ALB: variants seen among roughly 807,000 people sequenced by gnomAD.
ALB encodes albumin, also known as serum albumin.
Under a neutral mutation model 74.5 loss-of-function variants are expected in ALB, and 37 were observed. The observed-to-expected ratio is 0.50, with a 90% CI of 0.38 to 0.65. The LOEUF (loss-of-function observed/expected upper bound fraction) is 0.65, where lower values mean the gene tolerates loss of function less well. Ranked by LOEUF, ALB falls within the 30% of genes least tolerant of loss-of-function variation. The probability of loss-of-function intolerance (pLI) is 0.00; values close to 1 mark genes in which losing one functional copy is unlikely to be tolerated. For missense variants in ALB, 685 were observed against 718.7 expected, an observed-to-expected ratio of 0.95 and a Z score of 0.54; for synonymous variants, 249 against 251.6, an observed-to-expected ratio of 0.99 and a Z score of 0.10.
At chr4:73,413,795 T>C (rs190745229) in intron 8 of ALB, among the ~76,000 whole-genome samples, 161 bp downstream of exon 8, 1 of 152,356 alleles carries the variant, frequency 6.6e-6, no homozygotes, top group East Asian at 1.9e-4. Context: ...AAATAGTTAA[T>C]TAGTTGAATA....
rs1209016874 is a variant in ALB, at chr4:73,420,246, G to A, written c.1786-8G>A. 1.6e-5 allele frequency: 26 copies of A among 1,611,308 alleles called. No individual in the cohort carries two copies. Among genetic ancestry groups the A allele is most frequent in the Non-Finnish European group, 1.9e-5 (22 of 1,177,982 alleles). ...TTTTCCTAACATCTGTCATGTCTTT[G>A]TGTTCAGGGTAAAAAACTTGTTGCT... On this transcript the variant is annotated splice_polypyrimidine_tract_variant and splice_region_variant and intron_variant, in intron 13 of 14. Transcript: ENST00000295897.
intron 2 of ALB, among the ~76,000 whole-genome samples, chr4:73,405,702 T>C (rs1045081616): frequency 6.6e-6 from 1 of 151,992 alleles, no homozygotes; most frequent in African/African-American, 2.4e-5. Flanking sequence ...GCCATTCTCC[T>C]GCCTCAGCCT....
At chr4:73,420,497 A>G (rs1417722466) in intron 14 of ALB, among the ~76,000 whole-genome samples, 176 bp downstream of exon 14, 2 of 152,216 alleles carry the variant, frequency 1.3e-5, no homozygotes. Context: ...GGGAACCACT[A>G]TTATTTCTAT....
intron 12 of ALB, 154 bp from the exon 13 acceptor site, chr4:73,419,353 T>C (rs377522633): frequency 2.3e-5 from 17 of 745,736 alleles, no homozygotes; most frequent in Non-Finnish European, 3.4e-5. Context: ...TTGAGACTTA[T>C]AGCGGTATGC....
intron 2 of ALB, among the ~76,000 whole-genome samples, chr4:73,405,700 C>T (rs1718705631): frequency 6.6e-6 from 1 of 151,956 alleles, no homozygotes; most frequent in Admixed American, 6.6e-5. Flanking sequence ...ACGCCATTCT[C>T]CTGCCTCAGC....
At chr4:73,406,901 G>A (rs1718744497) in intron 3 of ALB, 140 bp downstream of exon 3, 4 of 933,474 alleles carry the variant, frequency 4.3e-6, no homozygotes, top group African/African-American at 1.7e-5. Context: ...CTCATAGACT[G>A]ATAAGCCATT....
In ALB at chr4:73,416,360, AATTTTT is replaced by A; in HGVS notation, c.1289+11_1289+16del. On this transcript the variant is annotated splice_region_variant and intron_variant, in intron 10 of 14. Coordinates refer to ENST00000295897, the MANE Select transcript of ALB (RefSeq NM_000477.7). ...AGTACAAATTCCAGAATGCGTAAGT[AATTTTT>A]ATTGACTGATTTTTTTTATCAATTT... The A allele has an allele frequency of 6.2e-7, 1 of 1,601,010 alleles. No individual in the cohort carries two copies. Among genetic ancestry groups the A allele is most frequent in the Non-Finnish European group, 8.5e-7 (1 of 1,170,790 alleles).
Position 73,413,431 on chromosome 4 carries a change from C to T in ALB, c.855C>T (p.Ala285=). ...CAACTTACTTATAGGCGGACCTTGCCAAGTATATCTGTGAAAATCAAGATT... is the reference window on the plus strand; with the variant it reads ...CAACTTACTTATAGGCGGACCTTGCTAAGTATATCTGTGAAAATCAAGATT... The part of the protein sequence containing the change: ...LECADDRADL[A]KYICENQDSI... Residue 285 remains alanine (A), a synonymous_variant, in exon 8 of 15, where the codon GCC becomes GCT. Transcript: ENST00000295897. 2 of 1,613,866 alleles carry T rather than the reference C, an allele frequency of 1.2e-6. No homozygotes were observed. Among genetic ancestry groups the T allele is most frequent in the East Asian group, 2.2e-5 (1 of 44,874 alleles).
Position 73,421,175 on chromosome 4 carries a change from CCT to C in ALB, c.*108_*109del. 1.5e-6 allele frequency: 1 copy of C among 665,346 alleles called. No homozygotes were observed. The highest frequency in any genetic ancestry group is 2.7e-6 in the Non-Finnish European group (1 of 373,516). The allele number at this position is 665,346 out of a possible 1,614,324, so 41.2% of individuals were successfully genotyped here. Reference sequence around the variant, plus strand: ...TTTTTCGTTGGTGTAAAGCCAACACCCTGTCTAAAAAACATAAATTTCTTTAA... The same window carrying C: ...TTTTTCGTTGGTGTAAAGCCAACACCGTCTAAAAAACATAAATTTCTTTAA... On this transcript the variant is annotated 3_prime_UTR_variant, in exon 15 of 15. Coordinates refer to ENST00000295897, the MANE Select transcript of ALB (RefSeq NM_000477.7).
intron 10 of ALB, among the ~76,000 whole-genome samples, chr4:73,416,840 T>C (rs1038874696): frequency 6.6e-6 from 1 of 152,160 alleles, no homozygotes; most frequent in Non-Finnish European, 1.5e-5. Context: ...TTTCCCTCCA[T>C]AGAAGAGACA....
intron 12 of ALB, 110 bp downstream of exon 12, chr4:73,418,421 A>G: frequency 2.1e-6 from 2 of 971,606 alleles, no homozygotes; most frequent in Non-Finnish European, 3.2e-6. Flanking sequence ...AGAGGAAAGT[A>G]TTGGAGTGTT....
rs998348622 is a variant in ALB at position 73,421,354 on chromosome 4, C to G, written c.*286C>G. 1 of 341,664 alleles carries G rather than the reference C, an allele frequency of 2.9e-6. No homozygotes were observed. The highest frequency in any genetic ancestry group is 5.3e-6 in the Non-Finnish European group (1 of 189,786). 21.2% of individuals were successfully genotyped at this position (341,664 alleles called of 1,614,324 possible). ...TCCAGTGTTCTCTCTTATTCCACTTCGGTAGAGGATTTCTAGTTTCTTGTG... is the reference window on the plus strand; with the variant it reads ...TCCAGTGTTCTCTCTTATTCCACTTGGGTAGAGGATTTCTAGTTTCTTGTG... On this transcript the variant is annotated 3_prime_UTR_variant, in exon 15 of 15. Transcript: ENST00000295897.
intron 3 of ALB, among the ~76,000 whole-genome samples, chr4:73,407,170 A>G (rs530403798): frequency 7.9e-5 from 12 of 152,250 alleles, no homozygotes; most frequent in Middle Eastern, 3.4e-3. Flanking sequence ...TTTTAAGTGT[A>G]CAATCCATTA....
intron 7 of ALB, among the ~76,000 whole-genome samples, chr4:73,412,900 A>G (rs1222256424): frequency 1.3e-5 from 2 of 152,174 alleles, no homozygotes; most frequent in African/African-American, 4.8e-5. Context: ...CTTTTCTCAA[A>G]ACTTATAATA....
intron 6 of ALB, among the ~76,000 whole-genome samples, chr4:73,411,624 A>G (rs56247439): frequency 0.029 from 4,474 of 152,326 alleles, 73 homozygotes; most frequent in South Asian, 0.05. Context: ...ATGACACTGC[A>G]GAGGCTGAAG....
rs564649737 is a variant in ALB, at chr4:73,419,585, T to G, written c.1731T>G (p.Ala577=). ...AAGCTGTTATGGATGATTTCGCAGC[T>G]TTTGTAGAGAAGTGCTGCAAGGCTG... ...QLKAVMDDFA[A]FVEKCCKADD... is the part of the protein sequence containing the mutation. Residue 577 remains alanine (A), a synonymous_variant, in exon 13 of 15, where the codon GCT becomes GCG. Transcript: ENST00000295897. 1 of 1,613,958 alleles carries G rather than the reference T, an allele frequency of 6.2e-7. No individual in the cohort carries two copies. The highest frequency in any genetic ancestry group is 1.1e-5 in the South Asian group (1 of 91,070).
At chr4:73,405,944 A>G (rs1048894100) in intron 2 of ALB, among the ~76,000 whole-genome samples, 11 of 151,804 alleles carry the variant, frequency 7.2e-5, no homozygotes, top group Admixed American at 2.6e-4. Flanking sequence ...TTAAAAGTCT[A>G]CCTAATCCTA....
intron 3 of ALB, among the ~76,000 whole-genome samples, chr4:73,407,601 A>G (rs1368292126): frequency 2.0e-5 from 3 of 152,202 alleles, no homozygotes; most frequent in Non-Finnish European, 2.9e-5. Context: ...CTTAGAGATG[A>G]TATCATGGTT....
At chr4:73,413,688 G>A (rs1367342824) in intron 8 of ALB, 54 bp downstream of exon 8, 1 of 1,549,924 alleles carries the variant, frequency 6.5e-7, no homozygotes, top group Non-Finnish European at 8.9e-7. Context: ...TCACAACTTA[G>A]GAGGATAGCC....
Sources: allele counts gnomAD v4.1 joint callset (sites outside exome capture counted in the v4.1 genomes callset), GRCh38; gene constraint gnomAD v4.1.1; transcripts MANE v1.5; gene names NCBI Gene and HGNC (gene_info 2026-07-23, HGNC 2026-07-21).